EPX: variants seen among roughly 807,000 people sequenced by gnomAD.
EPX encodes the protein eosinophil peroxidase.
In EPX, 60 loss-of-function variants were observed where a neutral mutation model predicts 73.0. The ratio of observed to expected loss-of-function variants is 0.82; its 90% CI spans 0.67 to 1.02. The LOEUF (loss-of-function observed/expected upper bound fraction) is 1.02, where lower values mean the gene tolerates loss of function less well. Ranked by LOEUF, EPX falls within the 50% of genes least tolerant of loss-of-function variation. EPX has a pLI of 0.00. For synonymous variants in EPX, 347 were observed against 389.2 expected, an observed-to-expected ratio of 0.89 and a Z score of 1.28; for missense variants, 950 against 973.9, an observed-to-expected ratio of 0.98 and a Z score of 0.33.
chr17:58,200,076 ATG>A (rs1968318444), intron 9 of EPX, 147 bp from the exon 10 acceptor site: 16 of 779,130 alleles, frequency 2.1e-5, no homozygotes, highest in Non-Finnish European at 3.4e-5. Context: ...CAGCTGCTTC[ATG>A]TCTCTCCAGA....
intron 4 of EPX, 56 bp downstream of exon 4, chr17:58,193,887 G>A: frequency 6.2e-7 from 1 of 1,605,402 alleles, no homozygotes; most frequent in Admixed American, 1.7e-5. Context: ...CTCCCTTCCT[G>A]CACCCACCCT....
At chr17:58,202,008 G>C in intron 10 of EPX, among the ~76,000 whole-genome samples, 1 of 152,130 alleles carries the variant, frequency 6.6e-6, no homozygotes, top group South Asian at 2.1e-4. Flanking sequence ...CTGGGAACTG[G>C]ACAACCTGGT....
intron 10 of EPX, 107 bp downstream of exon 10, chr17:58,200,502 T>C (rs1183204353): frequency 2.5e-6 from 3 of 1,189,816 alleles, no homozygotes; most frequent in East Asian, 2.5e-5. Flanking sequence ...GTCTACAGGA[T>C]GTGCAGGAGT....
In EPX at chr17:58,199,037, A is replaced by C. The variant is rs1968300685; in HGVS notation, c.1121-3A>C. The C allele has an allele frequency of 6.2e-7, 1 of 1,613,328 alleles. No homozygotes were observed. Among genetic ancestry groups the C allele is most frequent in the African/African-American group, 1.3e-5 (1 of 74,914 alleles). On this transcript the variant is annotated splice_polypyrimidine_tract_variant and splice_region_variant and intron_variant, in intron 7 of 12. Coordinates refer to ENST00000225371, the MANE Select transcript of EPX (RefSeq NM_000502.6). ...CAGTAAATCTGAGCTTGGGGTTTTCAAGGTGACACCCGATCAACGGAAACC... is the reference window on the plus strand; with the variant it reads ...CAGTAAATCTGAGCTTGGGGTTTTCCAGGTGACACCCGATCAACGGAAACC...
In EPX at chr17:58,203,136, G is replaced by C. The variant is rs148161207; in HGVS notation, c.1764G>C (p.Gln588His). The C allele has an allele frequency of 3.1e-6, 5 of 1,614,192 alleles. No individual in the cohort carries two copies. The highest frequency in any genetic ancestry group is 1.7e-4 in the Middle Eastern group (1 of 6,052). ...CGLSQPRNLA[Q>H]LSRVLKNQDL... ...TCTCCCAGCCCCGGAATTTGGCACAGCTTAGCCGGGTGCTGAAAAACCAGG... is the reference window on the plus strand; with the variant it reads ...TCTCCCAGCCCCGGAATTTGGCACACCTTAGCCGGGTGCTGAAAAACCAGG... Residue 588 changes from glutamine (Q) to histidine (H), a missense_variant, in exon 11 of 13, where the codon CAG becomes CAC. Physicochemically the swap from Gln to His is conservative, Grantham distance 24. Transcript: ENST00000225371.
At position 58,204,323 on chromosome 17, in the gene EPX, C is replaced by A; in HGVS notation, c.2048C>A (p.Thr683Lys). 1 of 1,613,378 alleles carries A rather than the reference C, an allele frequency of 6.2e-7. No individual in the cohort carries two copies. The highest frequency in any genetic ancestry group is 8.5e-7 in the Non-Finnish European group (1 of 1,179,326). ...RIICDNTGIT[T>K]VSRDIFRANI... ...ATATGTGACAATACCGGTATCACCA[C>A]GGTTTCAAGGGACATCTTCAGAGCC... Residue 683 changes from threonine to lysine, a missense_variant, in exon 12 of 13, where the codon ACG (threonine) becomes AAG (lysine). Thr to Lys is a moderately conservative substitution (Grantham distance 78). Coordinates refer to ENST00000225371, the MANE Select transcript of EPX (RefSeq NM_000502.6).
chr17:58,194,283 G>T (rs1027486901), intron 5 of EPX, among the ~76,000 whole-genome samples, 191 bp downstream of exon 5: 1 of 152,192 alleles, frequency 6.6e-6, no homozygotes, highest in Non-Finnish European at 1.5e-5. Flanking sequence ...AACCTACCTC[G>T]TAGAGCCTGT....
At chr17:58,194,220 C>G in intron 5 of EPX, 128 bp downstream of exon 5, 2 of 906,614 alleles carry the variant, frequency 2.2e-6, no homozygotes, top group Non-Finnish European at 3.5e-6. Context: ...TGACTTGAGG[C>G]AAATAACACA....
In EPX at chr17:58,193,551, T is replaced by A; in HGVS notation, c.346+5T>A. The A allele has an allele frequency of 1.2e-6, 2 of 1,613,952 alleles. No homozygotes were observed. Among genetic ancestry groups the A allele is most frequent in the South Asian group, 1.1e-5 (1 of 91,072 alleles). On this transcript the variant is annotated splice_donor_5th_base_variant and intron_variant, in intron 3 of 12. Transcript: ENST00000225371. Reference sequence around the variant, plus strand: ...CCGGACCCTTCAATGTCACTGGTACTCTGATCCCCACTGAGCCCGCTGGGC... The same window carrying A: ...CCGGACCCTTCAATGTCACTGGTACACTGATCCCCACTGAGCCCGCTGGGC...
chr17:58,193,911 G>A (rs1968217441), intron 4 of EPX, 52 bp from the exon 5 acceptor site: 1 of 1,612,044 alleles, frequency 6.2e-7, no homozygotes, highest in Non-Finnish European at 8.5e-7. Context: ...CCTCCATGCT[G>A]AGCCATCTCC....
At position 58,204,263 on chromosome 17, in the gene EPX, G is replaced by T. The variant is rs150085970; in HGVS notation, c.1988G>T (p.Arg663Leu). The change falls in exon 12 of 13, where the codon CGC becomes CTC. Residue 663 changes from arginine (R) to leucine (L), a missense_variant. Coordinates refer to ENST00000225371, the MANE Select transcript of EPX (RefSeq NM_000502.6). ...QKRGVFTKRQRKALSRISLSR... is the reference protein window; with the variant it reads ...QKRGVFTKRQLKALSRISLSR... ...CGAGGTGTTTTCACCAAAAGACAGC[G>T]CAAGGCCCTGAGCAGAATTTCCTTG... The T allele has an allele frequency of 1.2e-6, 2 of 1,614,116 alleles. No individual in the cohort carries two copies. Among genetic ancestry groups the T allele is most frequent in the South Asian group, 1.1e-5 (1 of 91,076 alleles).
chr17:58,196,018 T>G (rs1057070830), intron 6 of EPX, among the ~76,000 whole-genome samples: 1 of 121,446 alleles, frequency 8.2e-6, no homozygotes, highest in Non-Finnish European at 1.6e-5. Flanking sequence ...CTTCCTTCAT[T>G]TCCTTCCTTC....
chr17:58,203,699 G>A (rs1452222542), intron 11 of EPX, among the ~76,000 whole-genome samples: 11 of 151,864 alleles, frequency 7.2e-5, no homozygotes, highest in African/African-American at 2.7e-4. Context: ...TTGGGAGGCC[G>A]AGGCGGGCGG....
Position 58,200,237 on chromosome 17 carries a change from C to T in EPX, c.1550C>T (p.Pro517Leu), listed in dbSNP as rs748429632. 6.2e-7 allele frequency: 1 copy of T among 1,614,162 alleles called. No homozygotes were observed. The highest frequency in any genetic ancestry group is 2.2e-5 in the East Asian group (1 of 44,878). Reference protein sequence around the residue: ...WRIVYEGGIDPILRGLMATPA... With the variant: ...WRIVYEGGIDLILRGLMATPA... The stretch of plus-strand genomic sequence containing the variant: ...TCCCTGCCACCAGGGGGCATCGACC[C>T]CATCCTCCGGGGCCTCATGGCCACC... The change falls in exon 10 of 13, where the codon CCC (proline) becomes CTC (leucine). Residue 517 changes from proline (P) to leucine (L), a missense_variant. Physicochemically the swap from Pro to Leu is moderately conservative, Grantham distance 98. Coordinates refer to ENST00000225371, the MANE Select transcript of EPX (RefSeq NM_000502.6).
At chr17:58,202,318 C>A (rs969847267) in intron 10 of EPX, 13 of 152,344 alleles carry the variant, frequency 8.5e-5, no homozygotes, top group African/African-American at 2.9e-4. Context: ...CTTGGCCCTG[C>A]GTGGGATCCT....
At chr17:58,193,934 C>A (rs1476003929) in intron 4 of EPX, 29 bp from the exon 5 acceptor site, 2 of 1,612,746 alleles carry the variant, frequency 1.2e-6, no homozygotes, top group Non-Finnish European at 1.7e-6. Context: ...GCCCTGCCCC[C>A]TGCTAACCTA....
chr17:58,203,864 G>A (rs1348257505), intron 11 of EPX, among the ~76,000 whole-genome samples: 1 of 143,068 alleles, frequency 7.0e-6, no homozygotes, highest in Non-Finnish European at 1.5e-5. Flanking sequence ...CCCGGGAGGC[G>A]GAGCTTGCAG....
At chr17:58,197,535 G>T (rs188945958) in intron 7 of EPX, among the ~76,000 whole-genome samples, 1 of 152,194 alleles carries the variant, frequency 6.6e-6, no homozygotes, top group Admixed American at 6.5e-5. Flanking sequence ...AGCTCCGACT[G>T]TTAGAAAGTC....
At chr17:58,193,216 C>A in intron 2 of EPX, 85 bp downstream of exon 2, 1 of 1,215,548 alleles carries the variant, frequency 8.2e-7, no homozygotes, top group Non-Finnish European at 1.2e-6. Context: ...ACTCATCAGC[C>A]ACCTCTGGAC....
Sources: allele counts gnomAD v4.1 joint callset (sites outside exome capture counted in the v4.1 genomes callset), GRCh38; gene constraint gnomAD v4.1.1; transcripts MANE v1.5; gene names NCBI Gene and HGNC (gene_info 2026-07-23, HGNC 2026-07-21).